The following AGAP1 variants were observed in gnomAD, a reference collection of about 807,000 sequenced individuals.
AGAP1 encodes ArfGAP with GTPase domain, ankyrin repeat and PH domain 1, also known as arf-GAP with GTPase, ANK repeat and PH domain-containing protein 1.
A neutral mutation model predicts 105.3 loss-of-function variants in AGAP1; 29 were observed. The observed-to-expected ratio is 0.28, with a 90% CI of 0.21 to 0.38. AGAP1 has a LOEUF of 0.38. Among genes scored for constraint, AGAP1 ranks in the 10% least tolerant of loss-of-function variants. The probability of loss-of-function intolerance (pLI) is 1.00; values close to 1 mark genes in which losing one functional copy is unlikely to be tolerated. For missense variants in AGAP1, 998 were observed against 1,165.1 expected, an observed-to-expected ratio of 0.86 and a Z score of 2.09; for synonymous variants, 509 against 485.9, an observed-to-expected ratio of 1.05 and a Z score of -0.63.
chr2:236,087,279 C>T lies in AGAP1; in HGVS notation c.2115-32913C>T, dbSNP rs2058954719. On this transcript the variant is annotated intron_variant, in intron 16 of 17. Coordinates refer to ENST00000304032, the MANE Select transcript of AGAP1 (RefSeq NM_001037131.3). The surrounding 1 kb of genome is among the most constrained non-coding windows in gnomAD (Gnocchi z 5.7). ...GGGCATTCCAGTGTTATTTAGGGGT[C>T]GAGGTGGGAATGAGAGGAAGCCAGA... 1.4e-5 allele frequency among the ~76,000 whole-genome samples: 2 copies of T among 147,942 alleles called. No individual in the cohort carries two copies. The highest frequency in any genetic ancestry group is 2.0e-4 in the East Asian group (1 of 5,048).
chr2:235,558,709 G>A (rs888864290), intron 1 of AGAP1, among the ~76,000 whole-genome samples: 1 of 152,152 alleles, frequency 6.6e-6, no homozygotes, highest in South Asian at 2.1e-4. Flanking sequence ...CGAAATGTGC[G>A]ATTAGAAAGA....
In AGAP1 at chr2:236,083,391, A is replaced by G. The variant is rs2058839855; in HGVS notation, c.2114+34110A>G. Among the ~76,000 whole-genome samples the G allele has an allele frequency of 6.6e-6, 1 of 152,212 alleles. No individual in the cohort carries two copies. The highest frequency in any genetic ancestry group is 2.4e-5 in the African/African-American group (1 of 41,438). ...GGAGGCTGATATTTTCTCTAAAGGA[A>G]AGATTAAAGGATTGTTTTCATTTTA... On this transcript the variant is annotated intron_variant, in intron 16 of 17. Coordinates refer to ENST00000304032, the MANE Select transcript of AGAP1 (RefSeq NM_001037131.3). The surrounding 1 kb of genome is among the most constrained non-coding windows in gnomAD (Gnocchi z 5.3).
chr2:235,719,604 G>C lies in AGAP1; in HGVS notation c.310+1960G>C, dbSNP rs895220767. Among the ~76,000 whole-genome samples the C allele has an allele frequency of 2.0e-5, 3 of 152,188 alleles. No individual in the cohort carries two copies. The highest frequency in any genetic ancestry group is 2.0e-4 in the Admixed American group (3 of 15,276). ...GTTTTTAAAAATACATTATTTTTAA[G>C]AGTAGGAGCGTGGGTGAGTACCTTC... On this transcript the variant is annotated intron_variant, in intron 3 of 17. Transcript: ENST00000304032. The surrounding 1 kb of genome is among the most constrained non-coding windows in gnomAD (Gnocchi z 4.9).
rs2059881419 is a variant in AGAP1, at chr2:236,120,852, G to A, written c.2370+405G>A. On this transcript the variant is annotated intron_variant, in intron 17 of 17. Coordinates refer to ENST00000304032, the MANE Select transcript of AGAP1 (RefSeq NM_001037131.3). The surrounding 1 kb of genome is among the most constrained non-coding windows in gnomAD (Gnocchi z 6.0). ...TAAACTTTGAGGTCTGATGTGGCAGGAGTTTGTCAAAGGACTTCTTTCGAA... is the reference window on the plus strand; with the variant it reads ...TAAACTTTGAGGTCTGATGTGGCAGAAGTTTGTCAAAGGACTTCTTTCGAA... 6.6e-6 allele frequency among the ~76,000 whole-genome samples: 1 copy of A among 152,216 alleles called. No homozygotes were observed. Among genetic ancestry groups the A allele is most frequent in the African/African-American group, 2.4e-5 (1 of 41,456 alleles).
intron 3 of AGAP1, among the ~76,000 whole-genome samples, chr2:235,730,885 T>G (rs1009828420): frequency 1.3e-5 from 2 of 152,088 alleles, no homozygotes; most frequent in Non-Finnish European, 2.9e-5. Flanking sequence ...TGTGACTATT[T>G]TTTTCTTCAG....
chr2:235,599,492 G>A lies in AGAP1; in HGVS notation c.163+104643G>A, dbSNP rs1461632927. Reference sequence around the variant, plus strand: ...GTGTGATGTGGGAAATGACTGCAAAGCTATCTTACTCTTTATTCCATAGCC... The same window carrying A: ...GTGTGATGTGGGAAATGACTGCAAAACTATCTTACTCTTTATTCCATAGCC... On this transcript the variant is annotated intron_variant, in intron 1 of 17. Coordinates refer to ENST00000304032, the MANE Select transcript of AGAP1 (RefSeq NM_001037131.3). The surrounding 1 kb of genome is among the most constrained non-coding windows in gnomAD (Gnocchi z 5.3). 6.6e-6 allele frequency among the ~76,000 whole-genome samples: 1 copy of A among 152,172 alleles called. No homozygotes were observed. The highest frequency in any genetic ancestry group is 2.4e-5 in the African/African-American group (1 of 41,434).
rs1190214160 is a variant in AGAP1 at position 235,610,182 on chromosome 2, C to T, written c.164-98997C>T. ...CTTCTGATCTGTGTTGACTGCTACC[C>T]GATAGAGCCACAGTCATCCTGTGTG... is the stretch of plus-strand genomic sequence containing the variant. On this transcript the variant is annotated intron_variant, in intron 1 of 17. Coordinates refer to ENST00000304032, the MANE Select transcript of AGAP1 (RefSeq NM_001037131.3). The surrounding 1 kb of genome is among the most constrained non-coding windows in gnomAD (Gnocchi z 4.9). Among the ~76,000 whole-genome samples the T allele has an allele frequency of 1.3e-5, 2 of 152,134 alleles. No individual in the cohort carries two copies. Among genetic ancestry groups the T allele is most frequent in the Admixed American group, 6.5e-5 (1 of 15,274 alleles).
intron 9 of AGAP1, among the ~76,000 whole-genome samples, chr2:235,851,388 G>C (rs1204322074): frequency 6.6e-6 from 1 of 152,250 alleles, no homozygotes; most frequent in East Asian, 1.9e-4. Flanking sequence ...GGCAGAAGCA[G>C]CTTGGCCCCA....
At chr2:235,940,772 G>A (rs1044185688) in intron 12 of AGAP1, among the ~76,000 whole-genome samples, 6 of 152,284 alleles carry the variant, frequency 3.9e-5, no homozygotes, top group Non-Finnish European at 7.4e-5. Flanking sequence ...TTGCTTATGT[G>A]TCTTCTGCAG....
intron 6 of AGAP1, among the ~76,000 whole-genome samples, chr2:235,794,818 C>T (rs1300990418): frequency 6.6e-6 from 1 of 152,136 alleles, no homozygotes; most frequent in Non-Finnish European, 1.5e-5. Context: ...TGTTTCTGAT[C>T]TATGCACCAA....
intron 9 of AGAP1, among the ~76,000 whole-genome samples, chr2:235,878,319 C>T (rs1449007302): frequency 2.0e-5 from 3 of 152,204 alleles, no homozygotes; most frequent in Non-Finnish European, 4.4e-5. Flanking sequence ...GAAGCCATCA[C>T]ACACAAGTCC....
chr2:236,088,738 C>G (rs757734146), intron 16 of AGAP1, among the ~76,000 whole-genome samples: 2 of 152,206 alleles, frequency 1.3e-5, no homozygotes, highest in African/African-American at 4.8e-5. Context: ...TGTTTGATTT[C>G]TGTGAATTGC....
intron 1 of AGAP1, among the ~76,000 whole-genome samples, chr2:235,543,750 C>T (rs1346815456): frequency 6.6e-6 from 1 of 152,196 alleles, no homozygotes; most frequent in Non-Finnish European, 1.5e-5. Flanking sequence ...CGGGCCTGTG[C>T]ATCTGTAGGA....
In AGAP1 at chr2:236,114,010, C is replaced by T. The variant is rs1182745540; in HGVS notation, c.2115-6182C>T. ...ATGAGTCGCCCATTCCCTCATTTTC[C>T]CTCACTCTCCTGCGGCTGATTTATT... On this transcript the variant is annotated intron_variant, in intron 16 of 17. Transcript: ENST00000304032. This position sits in a 1 kb window ranked among gnomAD's most constrained non-coding sequence, Gnocchi z 5.0. 5.9e-5 allele frequency among the ~76,000 whole-genome samples: 9 copies of T among 152,070 alleles called. No individual in the cohort carries two copies. The highest frequency in any genetic ancestry group is 3.3e-4 in the Admixed American group (5 of 15,258).
intron 16 of AGAP1, among the ~76,000 whole-genome samples, chr2:236,110,233 C>A (rs2059609170): frequency 6.6e-6 from 1 of 152,178 alleles, no homozygotes; most frequent in Non-Finnish European, 1.5e-5. Context: ...CAGTGACTCA[C>A]ACCTGTAATC....
Position 236,123,906 on chromosome 2 carries a change from C to G in AGAP1, c.2371-13C>G, listed in dbSNP as rs1490299901. 1.9e-6 allele frequency: 3 copies of G among 1,612,168 alleles called. No individual in the cohort carries two copies. Among genetic ancestry groups the G allele is most frequent in the East Asian group, 2.2e-5 (1 of 44,876 alleles). On this transcript the variant is annotated splice_polypyrimidine_tract_variant and intron_variant, in intron 17 of 17. Transcript: ENST00000304032. This position sits in a 1 kb window ranked among gnomAD's most constrained non-coding sequence, Gnocchi z 4.6. ...CCCCCATGATACTAATGTGGGCTCC[C>G]TTACCTCCGCAGTACGGAGTGGACG...
chr2:235,767,777 CTTTTTTTTTTTTT>C (rs71414307), intron 6 of AGAP1, among the ~76,000 whole-genome samples: 1 of 62,040 alleles, frequency 1.6e-5, no homozygotes, highest in African/African-American at 6.4e-5. Flanking sequence ...AGTTTCTTGT[CTTTTTTTTTTTTT>C]TTTTTTTTTT....
At chr2:235,895,175 T>A (rs991451399) in intron 10 of AGAP1, among the ~76,000 whole-genome samples, 1 of 152,224 alleles carries the variant, frequency 6.6e-6, no homozygotes, top group Non-Finnish European at 1.5e-5. Context: ...GTAGGCTGTA[T>A]GAAGAATAGC....
chr2:235,871,644 G>A (rs909952018), intron 9 of AGAP1, among the ~76,000 whole-genome samples: 4 of 152,166 alleles, frequency 2.6e-5, no homozygotes, highest in Admixed American at 2.6e-4. Context: ...CTTACCTGTT[G>A]CTGCATAAGG....
Sources: allele counts gnomAD v4.1 joint callset (sites outside exome capture counted in the v4.1 genomes callset), GRCh38; gene constraint gnomAD v4.1.1; non-coding constraint Gnocchi (gnomAD v3.1); transcripts MANE v1.5; gene names NCBI Gene and HGNC (gene_info 2026-07-23, HGNC 2026-07-21).